Variants in CHD5 observed in about 807,000 individuals in gnomAD.
CHD5 encodes the protein ATP-dependent chromatin remodeler CHD5.
A neutral mutation model predicts 230.3 loss-of-function variants in CHD5; 69 were observed. That is an observed-to-expected ratio of 0.30 (90% CI 0.25 to 0.37). The LOEUF (loss-of-function observed/expected upper bound fraction) is 0.37, where lower values mean the gene tolerates loss of function less well. CHD5 is among the 10% of genes least tolerant of loss of function. The pLI is 1.00. For missense variants in CHD5, 1,827 were observed against 2,622.8 expected, an observed-to-expected ratio of 0.70 and a Z score of 6.63; for synonymous variants, 1,064 against 1,065.9, an observed-to-expected ratio of 1.00 and a Z score of 0.03.
Position 6,101,981 on chromosome 1 carries a change from C to T in CHD5, c.*3493G>A, listed in dbSNP as rs1365961574. The T allele has an allele frequency of 2.3e-6, 1 of 425,614 alleles. No homozygotes were observed. Among genetic ancestry groups the T allele is most frequent in the Non-Finnish European group, 4.8e-6 (1 of 209,054 alleles). 26.4% of individuals were successfully genotyped at this position (425,614 alleles called of 1,614,324 possible). On this transcript the variant is annotated 3_prime_UTR_variant, in exon 42 of 42. Coordinates refer to ENST00000262450, the MANE Select transcript of CHD5 (RefSeq NM_015557.3). ...CCCGCCGGGGCCACCCTGGCTGGGA[C>T]TCCTGGCGCGCCTTGCACCCAGCCC...
At chr1:6,116,978 G>T (rs1666387472) in intron 33 of CHD5, among the ~76,000 whole-genome samples, 1 of 152,194 alleles carries the variant, frequency 6.6e-6, no homozygotes, top group South Asian at 2.1e-4. Flanking sequence ...CAGATGAAAG[G>T]GAAGTGAGTT....
intron 38 of CHD5, among the ~76,000 whole-genome samples, 158 bp from the exon 39 acceptor site, chr1:6,106,937 TGGAGG>T: frequency 2.1e-4 from 1 of 4,750 alleles, no homozygotes; most frequent in Non-Finnish European, 3.8e-4. Context: ...GGTGGAGGGG[TGGAGG>T]GATGGAGGAG....
At chr1:6,110,040 C>A (rs1666260411) in intron 37 of CHD5, 50 bp from the exon 38 acceptor site, 3 of 1,431,344 alleles carry the variant, frequency 2.1e-6, no homozygotes, top group Non-Finnish European at 2.8e-6. Flanking sequence ...GAATGGCTAC[C>A]CTCCGTGCTC....
rs569621673 is a variant in CHD5, at chr1:6,172,933, G to A, written c.80-4656C>T. ...CAAAACAAGGGGAAGGCGCGTGACT[G>A]TGGAGCGAAAGTTAGGTCATCTGAT... On this transcript the variant is annotated intron_variant, in intron 1 of 41. Transcript: ENST00000262450. Among the ~76,000 whole-genome samples, 3 of 152,188 alleles carry A rather than the reference G, an allele frequency of 2.0e-5. No individual in the cohort carries two copies. In the South Asian group the frequency reaches 6.2e-4, roughly 32 times the overall value.
At chr1:6,160,468 G>GAAAA (rs1667157481) in intron 2 of CHD5, among the ~76,000 whole-genome samples, 1 of 150,294 alleles carries the variant, frequency 6.7e-6, no homozygotes, top group Non-Finnish European at 1.5e-5. Context: ...AGCCAGAGAA[G>GAAAA]GAGAGCCCCA....
chr1:6,166,176 T>C (rs953490746), intron 2 of CHD5, among the ~76,000 whole-genome samples: 10 of 150,016 alleles, frequency 6.7e-5, no homozygotes, highest in Non-Finnish European at 1.5e-4. Context: ...GGCCAGGGTC[T>C]CTCTAGGGGA....
At chr1:6,152,668 T>C (rs1266917768) in intron 5 of CHD5, 132 bp from the exon 6 acceptor site, 11 of 1,449,488 alleles carry the variant, frequency 7.6e-6, no homozygotes, top group African/African-American at 1.4e-5. Flanking sequence ...TCAGATGAGA[T>C]GCCTGAGGCT....
At chr1:6,108,567 A>G (rs1571136440) in intron 38 of CHD5, among the ~76,000 whole-genome samples, 1 of 128,618 alleles carries the variant, frequency 7.8e-6, no homozygotes, top group African/African-American at 3.0e-5. Context: ...AGGTATGATG[A>G]AGGGATAATG....
At position 6,130,370 on chromosome 1, in the gene CHD5, A is replaced by T; in HGVS notation, c.3263-42T>A. On this transcript the variant is annotated intron_variant, in intron 21 of 41. Coordinates refer to ENST00000262450, the MANE Select transcript of CHD5 (RefSeq NM_015557.3). The surrounding 1 kb of genome is among the most constrained non-coding windows in gnomAD (Gnocchi z 4.9). ...AGCAGATGGGAGTGTTTGGGGGGGT[A>T]CACCTTGGGTGGGCAGAAAGGATGG... is the stretch of plus-strand genomic sequence containing the variant. 2.5e-6 allele frequency: 4 copies of T among 1,600,676 alleles called. No individual in the cohort carries two copies. Among genetic ancestry groups the T allele is most frequent in the Non-Finnish European group, 3.4e-6 (4 of 1,172,228 alleles).
rs376667063 is a variant in CHD5 at position 6,134,124 on chromosome 1, G to C, written c.3144+4C>G. 3.1e-6 allele frequency: 5 copies of C among 1,611,412 alleles called. No homozygotes were observed. The highest frequency in any genetic ancestry group is 1.3e-5 in the African/African-American group (1 of 75,012). ...CGGGGCGGGGGTGGGCAGGGGCAGC[G>C]CACCTGGGAGAAGATGAGCACACGG... On this transcript the variant is annotated splice_donor_region_variant and intron_variant, in intron 20 of 41. Coordinates refer to ENST00000262450, the MANE Select transcript of CHD5 (RefSeq NM_015557.3). This position sits in a 1 kb window ranked among gnomAD's most constrained non-coding sequence, Gnocchi z 6.3.
Position 6,121,508 on chromosome 1 carries a change from G to A in CHD5, c.4765C>T (p.Pro1589Ser), listed in dbSNP as rs1666470584. 1 of 1,612,150 alleles carries A rather than the reference G, an allele frequency of 6.2e-7. No homozygotes were observed. The highest frequency in any genetic ancestry group is 8.5e-7 in the Non-Finnish European group (1 of 1,179,188). Residue 1589 changes from proline (P) to serine (S), a missense_variant, in exon 32 of 42, where the codon CCC (proline) becomes TCC (serine). Physicochemically the swap from Pro to Ser is moderately conservative, Grantham distance 74. Transcript: ENST00000262450. The surrounding 1 kb of genome is among the most constrained non-coding windows in gnomAD (Gnocchi z 4.5). ...AAGTTCCACACCTGGACTTCCAGGG[G>A]CTGCCTTGGCTTCTGTGCCCCGGGG... ...KDPGAQKPRQ[P>S]LEVQALPAAL... is the part of the protein sequence containing the mutation.
At chr1:6,106,862 GGGTGGAGGGGTGGAGGGGTGGAGC>G in intron 38 of CHD5, 83 bp from the exon 39 acceptor site, 1 of 915,370 alleles carries the variant, frequency 1.1e-6, no homozygotes, top group South Asian at 1.8e-5. Context: ...AGGGATGGAG[GGGTGGAGGGGTGGAGGGGTGGAGC>G]AGTGGAAGGA....
chr1:6,138,041 T>A (rs1255418460), intron 15 of CHD5, among the ~76,000 whole-genome samples: 2 of 152,122 alleles, frequency 1.3e-5, no homozygotes, highest in Non-Finnish European at 2.9e-5. Flanking sequence ...GTCTGCACTC[T>A]CCCGGTGAGG....
chr1:6,105,218 C>A lies in CHD5; in HGVS notation c.*256G>T. The A allele has an allele frequency of 2.9e-6, 1 of 350,260 alleles. No individual in the cohort carries two copies. Among genetic ancestry groups the A allele is most frequent in the South Asian group, 2.2e-5 (1 of 45,364 alleles). The allele number at this position is 350,260 out of a possible 1,614,324, so 21.7% of individuals were successfully genotyped here. On this transcript the variant is annotated 3_prime_UTR_variant, in exon 42 of 42. Transcript: ENST00000262450. This position sits in a 1 kb window ranked among gnomAD's most constrained non-coding sequence, Gnocchi z 4.8. ...GGAAAAGGTGGCGAGGGGGCACGTC[C>A]GGCGTGGTTGTGGGGGCAACGCTGT...
intron 1 of CHD5, among the ~76,000 whole-genome samples, chr1:6,171,528 G>A (rs747563896): frequency 1.3e-5 from 2 of 151,378 alleles, no homozygotes; most frequent in African/African-American, 2.4e-5. Flanking sequence ...CACCTCACAC[G>A]CTCCCGTCTT....
At chr1:6,118,574 A>G (rs1209729360) in intron 33 of CHD5, among the ~76,000 whole-genome samples, 1 of 152,184 alleles carries the variant, frequency 6.6e-6, no homozygotes, top group Non-Finnish European at 1.5e-5. Context: ...AAGAGGAAGA[A>G]ATGGGGAGTG....
chr1:6,168,954 G>T (rs535788921), intron 1 of CHD5, among the ~76,000 whole-genome samples: 1 of 151,908 alleles, frequency 6.6e-6, no homozygotes, highest in African/African-American at 2.4e-5. Flanking sequence ...AGGAGGTGGA[G>T]GTTGCAGTGA....
At position 6,125,439 on chromosome 1, in the gene CHD5, C is replaced by A; in HGVS notation, c.4260+85G>T. ...CTCCGCCTCTACCTGGCATGAGACC[C>A]GGGGCAGTCCCCCAGCCCTCCTCCA... On this transcript the variant is annotated intron_variant, in intron 28 of 41. Transcript: ENST00000262450. This position sits in a 1 kb window ranked among gnomAD's most constrained non-coding sequence, Gnocchi z 6.7. The A allele has an allele frequency of 7.1e-7, 1 of 1,418,434 alleles. No homozygotes were observed. The allele number at this position is 1,418,434 out of a possible 1,614,324, so 87.9% of individuals were successfully genotyped here.
At chr1:6,177,982 G>C (rs1026670025) in intron 1 of CHD5, among the ~76,000 whole-genome samples, 3 of 152,140 alleles carry the variant, frequency 2.0e-5, no homozygotes, top group Non-Finnish European at 4.4e-5. Flanking sequence ...AGAAGGAGTG[G>C]GTAGAAGGCC....
Sources: gnomAD v4.1 joint callset for allele counts (sites outside exome capture counted in the v4.1 genomes callset) on GRCh38, gnomAD v4.1.1 for gene constraint, Gnocchi (gnomAD v3.1) non-coding constraint, MANE v1.5 for transcripts, NCBI Gene and HGNC (gene_info 2026-07-23, HGNC 2026-07-21) for gene names.